The following TRIM4 variants were observed in gnomAD, a reference collection of about 807,000 sequenced individuals.
TRIM4 encodes the protein E3 ubiquitin-protein ligase TRIM4.
Under a neutral mutation model 33.7 loss-of-function variants are expected in TRIM4, and 29 were observed. That is an observed-to-expected ratio of 0.86 (90% confidence interval 0.64 to 1.17). TRIM4 has a LOEUF of 1.17. Ranked by LOEUF, TRIM4 falls within the 50% of genes most tolerant of loss-of-function variation. The pLI is 0.00. For missense variants in TRIM4, 554 were observed against 593.7 expected, an observed-to-expected ratio of 0.93 and a Z score of 0.69; for synonymous variants, 224 against 233.0, an observed-to-expected ratio of 0.96 and a Z score of 0.35.
At chr7:99,893,624 C>T (rs542420422) in intron 5 of TRIM4, among the ~76,000 whole-genome samples, 3 of 152,166 alleles carry the variant, frequency 2.0e-5, no homozygotes, top group Non-Finnish European at 2.9e-5. Context: ...GTGTCAGAGT[C>T]CCCTCCACCT....
At chr7:99,904,213 T>TTTA in intron 3 of TRIM4, among the ~76,000 whole-genome samples, 1 of 152,126 alleles carries the variant, frequency 6.6e-6, no homozygotes, top group Non-Finnish European at 1.5e-5. Context: ...ATGTGAAAAT[T>TTTA]CTAAGTAACA....
chr7:99,915,439 G>A (rs1442760977), intron 1 of TRIM4, among the ~76,000 whole-genome samples: 2 of 152,180 alleles, frequency 1.3e-5, no homozygotes, highest in Admixed American at 6.5e-5. Flanking sequence ...GATTTATGAA[G>A]CTATTTCTCT....
intron 1 of TRIM4, among the ~76,000 whole-genome samples, chr7:99,917,588 A>G (rs2151654735): frequency 6.6e-6 from 1 of 152,290 alleles, no homozygotes; most frequent in East Asian, 1.9e-4. Context: ...GCATGCTGGC[A>G]GGTGCCTGTA....
intron 1 of TRIM4, among the ~76,000 whole-genome samples, chr7:99,913,014 T>G (rs1004772908): frequency 6.6e-6 from 1 of 152,260 alleles, no homozygotes; most frequent in Non-Finnish European, 1.5e-5. Context: ...AAATTTGATG[T>G]ATATGAGGTT....
At chr7:99,917,765 T>C in intron 1 of TRIM4, 1 of 922,488 alleles carries the variant, frequency 1.1e-6, no homozygotes, top group Non-Finnish European at 1.3e-6. Flanking sequence ...TGTGTTCATG[T>C]ACTTACTGCA....
At chr7:99,898,418 G>A (rs186502791) in intron 5 of TRIM4, among the ~76,000 whole-genome samples, 159 of 152,344 alleles carry the variant, frequency 1.0e-3, no homozygotes, top group South Asian at 1.9e-3. Context: ...TGTGGCTAGG[G>A]TGGCACAGTA....
chr7:99,913,596 G>A lies in TRIM4; in HGVS notation c.394-3936C>T, dbSNP rs191493582. Among the ~76,000 whole-genome samples the A allele has an allele frequency of 6.4e-4, 98 of 152,162 alleles. No homozygotes were observed. The East Asian group carries it at 0.012, about 19-fold the overall frequency. ...TGAGGCAGGAAAATCGCTTGAACCC[G>A]GGAGGTGGAGGTTGCAGTGAGCTGG... On this transcript the variant is annotated intron_variant, in intron 1 of 5. Transcript: ENST00000349062.
At chr7:99,901,607 A>G (rs1445635420) in intron 5 of TRIM4, 1 of 152,432 alleles carries the variant, frequency 6.6e-6, no homozygotes, top group African/African-American at 2.4e-5. Context: ...GGTGTGGAGC[A>G]GCACCCAGTC....
In TRIM4 at chr7:99,919,155, G is replaced by T. The variant is rs751960914; in HGVS notation, c.247C>A (p.Pro83Thr). The T allele has an allele frequency of 8.7e-6, 13 of 1,487,754 alleles. No homozygotes were observed. The East Asian group carries it at 3.3e-4, about 38-fold the overall frequency. 92.2% of individuals were successfully genotyped at this position (1,487,754 alleles called of 1,614,324 possible). A position where few individuals can be genotyped will look rare whatever the true frequency, so the allele number is the denominator to read the frequency against. Residue 83 changes from proline (P) to threonine (T), a missense_variant, in exon 1 of 6, where the codon CCC becomes ACC. Transcript: ENST00000349062. ...CAGTGGCGGCCGCACAGGCCCGGGGGCACGGGGCCCAGGCGCCGGCGCTGC... is the reference window on the plus strand; with the variant it reads ...CAGTGGCGGCCGCACAGGCCCGGGGTCACGGGGCCCAGGCGCCGGCGCTGC... Reference protein sequence around the residue: ...KTQRRRLGPVPPGLCGRHWEP... With the variant: ...KTQRRRLGPVTPGLCGRHWEP...
intron 5 of TRIM4, among the ~76,000 whole-genome samples, chr7:99,900,619 T>A (rs1217082724): frequency 6.6e-6 from 1 of 152,244 alleles, no homozygotes; most frequent in Non-Finnish European, 1.5e-5. Context: ...TAAGACTTCC[T>A]TTCTTGAAGT....
chr7:99,905,148 G>A (rs1819269815), intron 3 of TRIM4, among the ~76,000 whole-genome samples: 1 of 152,166 alleles, frequency 6.6e-6, no homozygotes, highest in South Asian at 2.1e-4. Context: ...ACTGAGGGCA[G>A]GAGATGACAT....
rs76595998 is a variant in TRIM4, at chr7:99,894,644, G to A, written c.842-1898C>T. 1.7e-3 allele frequency among the ~76,000 whole-genome samples: 255 copies of A among 150,644 alleles called. 1 individual carries two copies. The highest frequency in any genetic ancestry group is 6.0e-3 in the African/African-American group (245 of 40,912). ...ATTGCACCACTGCGCCCCAGCCTAG[G>A]CAACAGACCAAGACTCCATCCCCCC... On this transcript the variant is annotated intron_variant, in intron 5 of 5. Coordinates refer to ENST00000349062, the MANE Select transcript of TRIM4 (RefSeq NM_033091.3).
At chr7:99,902,437 G>C (rs1819198006) in intron 5 of TRIM4, among the ~76,000 whole-genome samples, 1 of 152,150 alleles carries the variant, frequency 6.6e-6, no homozygotes, top group Non-Finnish European at 1.5e-5. Flanking sequence ...AGTAGAGACA[G>C]GGTTTCACCA....
rs1189565491 is a variant in TRIM4, at chr7:99,891,517, G to C, written c.*646C>G. 3 of 152,410 alleles carry C rather than the reference G, an allele frequency of 2.0e-5. No homozygotes were observed. The highest frequency in any genetic ancestry group is 7.2e-5 in the African/African-American group (3 of 41,456). 9.4% of individuals were successfully genotyped at this position (152,410 alleles called of 1,614,324 possible). On this transcript the variant is annotated 3_prime_UTR_variant, in exon 6 of 6. Coordinates refer to ENST00000349062, the MANE Select transcript of TRIM4 (RefSeq NM_033091.3). Reference sequence around the variant, plus strand: ...TTGGGAAGAGAGAGAGTGCAACATAGGCAGAGTGAGGGGGGATTCCCACAA... The same window carrying C: ...TTGGGAAGAGAGAGAGTGCAACATACGCAGAGTGAGGGGGGATTCCCACAA...
intron 3 of TRIM4, among the ~76,000 whole-genome samples, chr7:99,907,010 T>C (rs182531807): frequency 9.2e-5 from 14 of 152,228 alleles, no homozygotes; most frequent in Admixed American, 2.6e-4. Context: ...AAGTGGGTCA[T>C]GGGGTAAAAG....
chr7:99,909,664 C>A lies in TRIM4; in HGVS notation c.394-4G>T, dbSNP rs748642361. ...GCTGAGACTTAAGAAGTTTCTCCTGCCAGCAGAAACACACACAGGTAAGAA... is the reference window on the plus strand; with the variant it reads ...GCTGAGACTTAAGAAGTTTCTCCTGACAGCAGAAACACACACAGGTAAGAA... On this transcript the variant is annotated splice_polypyrimidine_tract_variant and splice_region_variant and intron_variant, in intron 1 of 5. Coordinates refer to ENST00000349062, the MANE Select transcript of TRIM4 (RefSeq NM_033091.3). 2 of 1,610,022 alleles carry A rather than the reference C, an allele frequency of 1.2e-6. No individual in the cohort carries two copies. The highest frequency in any genetic ancestry group is 1.7e-5 in the Admixed American group (1 of 59,910).
chr7:99,904,244 C>T (rs183980964), intron 3 of TRIM4, among the ~76,000 whole-genome samples: 54 of 152,174 alleles, frequency 3.5e-4, no homozygotes, highest in Non-Finnish European at 6.3e-4. Context: ...CCAATGGCAA[C>T]GTGTATTTAA....
intron 1 of TRIM4, among the ~76,000 whole-genome samples, chr7:99,918,061 G>C (rs972255724): frequency 1.3e-5 from 2 of 152,132 alleles, no homozygotes; most frequent in Non-Finnish European, 2.9e-5. Flanking sequence ...ACTGATGAAG[G>C]AAGCTAGTAA....
In TRIM4 at chr7:99,903,276, T is replaced by C. The variant is rs2247762; in HGVS notation, c.783A>G (p.Val261=). The change falls in exon 5 of 6, where the codon GTA becomes GTG. Residue 261 remains valine (V), a synonymous_variant. Transcript: ENST00000349062. ...GTATCTGGCACACTGTCTTCACCTT[T>C]ACAGCTTCAAGAGAATAGTTCACAT... ...IQDVNYSLEA[V]KVKTVCQIPL... is the part of the protein sequence containing the mutation. 0.43 allele frequency: 695,817 copies of C among 1,606,356 alleles called. 155,894 individuals are homozygous for C. Among genetic ancestry groups the C allele is most frequent in the Non-Finnish European group, 0.46 (540,176 of 1,174,092 alleles).
Sources: gnomAD v4.1 joint callset for allele counts (sites outside exome capture counted in the v4.1 genomes callset) on GRCh38, gnomAD v4.1.1 for gene constraint, MANE v1.5 for transcripts, NCBI Gene and HGNC (gene_info 2026-07-23, HGNC 2026-07-21) for gene names.